NALCN: variants seen among roughly 807,000 people sequenced by gnomAD.
NALCN encodes the protein sodium leak channel, non-selective, also known as sodium leak channel NALCN.
Under a neutral mutation model 225.3 loss-of-function variants are expected in NALCN, and 111 were observed. The observed-to-expected ratio is 0.49, with a 90% confidence interval of 0.42 to 0.58. The LOEUF is 0.58. Among genes scored for constraint, NALCN ranks in the 20% least tolerant of loss-of-function variants. The pLI is 0.00. For synonymous variants in NALCN, 764 were observed against 769.0 expected (o/e 0.99, Z 0.11); for missense variants, 1,378 against 2,202.4 (o/e 0.63, Z 7.49).
At chr13:101,071,897 C>CT (rs2032915838) in intron 37 of NALCN, among the ~76,000 whole-genome samples, 1 of 152,128 alleles carries the variant, frequency 6.6e-6, no homozygotes, top group African/African-American at 2.4e-5. Context: ...CACTTGAACA[C>CT]TTATAGGCCA....
At chr13:101,096,812 A>C (rs143259491) in intron 27 of NALCN, among the ~76,000 whole-genome samples, 37 of 152,238 alleles carry the variant, frequency 2.4e-4, no homozygotes, top group African/African-American at 8.4e-4. Context: ...CCCTTTGGTT[A>C]TTTTTGTTTC....
intron 9 of NALCN, among the ~76,000 whole-genome samples, chr13:101,288,618 C>A (rs2043429949): frequency 1.3e-5 from 2 of 152,154 alleles, no homozygotes; most frequent in Non-Finnish European, 2.9e-5. Context: ...GATATTAATT[C>A]AGAAAACACA....
Position 101,299,085 on chromosome 13 carries a change from C to T in NALCN, c.800-6719G>A, listed in dbSNP as rs184332501. On this transcript the variant is annotated intron_variant, in intron 7 of 43. Coordinates refer to ENST00000251127, the MANE Select transcript of NALCN (RefSeq NM_052867.4). Reference sequence around the variant, plus strand: ...TAAAAGCCTAGATCCTAAGACATTGCTTATTTGTATAAAGTATTTGCCACA... The same window carrying T: ...TAAAAGCCTAGATCCTAAGACATTGTTTATTTGTATAAAGTATTTGCCACA... Among the ~76,000 whole-genome samples, 25 of 152,264 alleles carry T rather than the reference C, an allele frequency of 1.6e-4. 1 individual carries two copies. The highest frequency in any genetic ancestry group is 5.5e-4 in the African/African-American group (23 of 41,542).
chr13:101,100,015 T>C (rs1005182277), intron 27 of NALCN, among the ~76,000 whole-genome samples: 1 of 152,146 alleles, frequency 6.6e-6, no homozygotes, highest in African/African-American at 2.4e-5. Flanking sequence ...AGCCTTCCCT[T>C]ATAACCAATG....
At chr13:101,132,518 C>T (rs2036566380) in intron 17 of NALCN, among the ~76,000 whole-genome samples, 1 of 152,032 alleles carries the variant, frequency 6.6e-6, no homozygotes. Flanking sequence ...CATTTTATAA[C>T]TTCTACATCT....
At chr13:101,058,419 G>A in intron 42 of NALCN, 1 of 196,134 alleles carries the variant, frequency 5.1e-6, no homozygotes, top group Non-Finnish European at 1.1e-5. Flanking sequence ...GGACGGGCTG[G>A]GCGGGGGCAG....
chr13:101,138,436 G>A (rs1185596244), intron 17 of NALCN, among the ~76,000 whole-genome samples: 1 of 152,224 alleles, frequency 6.6e-6, no homozygotes, highest in Non-Finnish European at 1.5e-5. Context: ...GCTGACAAGA[G>A]GGTGGGCAGA....
chr13:101,312,117 A>T (rs912027682), intron 7 of NALCN, among the ~76,000 whole-genome samples: 1 of 152,008 alleles, frequency 6.6e-6, no homozygotes, highest in African/African-American at 2.4e-5. Flanking sequence ...GAATTTATCC[A>T]TTTCTTCTAG....
chr13:101,270,766 G>A (rs748499438), intron 10 of NALCN, among the ~76,000 whole-genome samples: 1 of 152,166 alleles, frequency 6.6e-6, no homozygotes, highest in Non-Finnish European at 1.5e-5. Flanking sequence ...TGCAGATTGT[G>A]TTGAACACTG....
intron 7 of NALCN, among the ~76,000 whole-genome samples, chr13:101,317,064 C>T (rs2044579179): frequency 6.6e-6 from 1 of 151,928 alleles, no homozygotes; most frequent in African/African-American, 2.4e-5. Context: ...TTAGCTTCAT[C>T]TCCTCATCTT....
At chr13:101,062,439 C>T (rs1390200485) in intron 40 of NALCN, among the ~76,000 whole-genome samples, 2 of 152,060 alleles carry the variant, frequency 1.3e-5, no homozygotes, top group Non-Finnish European at 2.9e-5. Flanking sequence ...AAAAGGCTCG[C>T]GACTTTCTCT....
chr13:101,057,484 C>T (rs2031409568), intron 43 of NALCN: 1 of 208,612 alleles, frequency 4.8e-6, no homozygotes, highest in African/African-American at 2.4e-5. Flanking sequence ...AGCAGCTTGC[C>T]TAAAGCCAGT....
chr13:101,096,648 G>A (rs895910398), intron 27 of NALCN, among the ~76,000 whole-genome samples: 10 of 152,168 alleles, frequency 6.6e-5, no homozygotes, highest in Non-Finnish European at 8.8e-5. Flanking sequence ...AGTGGCTGTC[G>A]TGTATACAAC....
intron 15 of NALCN, among the ~76,000 whole-genome samples, chr13:101,166,976 T>C (rs1043325670): frequency 1.3e-5 from 2 of 152,208 alleles, no homozygotes; most frequent in Non-Finnish European, 2.9e-5. Context: ...GAGACTGTCC[T>C]TTCCCCATAG....
intron 9 of NALCN, among the ~76,000 whole-genome samples, chr13:101,285,441 A>C (rs983290146): frequency 1.3e-5 from 2 of 150,934 alleles, no homozygotes; most frequent in African/African-American, 4.9e-5. Flanking sequence ...CTGGGACTAC[A>C]GGCACCCGCC....
At chr13:101,056,336 C>T (rs558136536) in intron 43 of NALCN, among the ~76,000 whole-genome samples, 5 of 144,038 alleles carry the variant, frequency 3.5e-5, no homozygotes, top group South Asian at 2.3e-4. Flanking sequence ...TCTTGGTTCA[C>T]CACAACCTCT....
chr13:101,274,611 T>C (rs2042913802), intron 10 of NALCN, among the ~76,000 whole-genome samples: 1 of 152,260 alleles, frequency 6.6e-6, no homozygotes, highest in Admixed American at 6.5e-5. Context: ...TTCTAAATTA[T>C]TTCAGAATAT....
chr13:101,361,265 A>G (rs1019290718), intron 6 of NALCN, among the ~76,000 whole-genome samples: 2 of 152,204 alleles, frequency 1.3e-5, no homozygotes, highest in Non-Finnish European at 2.9e-5. Flanking sequence ...GTGATAGTAA[A>G]TATCGATTCT....
chr13:101,137,974 C>T (rs751974977), intron 17 of NALCN, among the ~76,000 whole-genome samples: 1 of 152,200 alleles, frequency 6.6e-6, no homozygotes, highest in Non-Finnish European at 1.5e-5. Flanking sequence ...CTTAATCACT[C>T]TTCTACCCAA....
Sources: allele counts gnomAD v4.1 joint callset (sites outside exome capture counted in the v4.1 genomes callset), GRCh38; gene constraint gnomAD v4.1.1; transcripts MANE v1.5; gene names NCBI Gene and HGNC (gene_info 2026-07-23, HGNC 2026-07-21).